PHF3: variants seen among roughly 807,000 people sequenced by gnomAD.
PHF3 encodes the protein PHD finger protein 3.
Under a neutral mutation model 178.4 loss-of-function variants are expected in PHF3, and 41 were observed. The ratio of observed to expected loss-of-function variants is 0.23; its 90% confidence interval spans 0.18 to 0.30. The LOEUF is 0.30. Ranked by LOEUF, PHF3 falls within the 10% of genes least tolerant of loss-of-function variation. The pLI is 1.00. For synonymous variants in PHF3, 842 were observed against 800.5 expected, an observed-to-expected ratio of 1.05 and a Z score of -0.88; for missense variants, 2,346 against 2,398.1, an observed-to-expected ratio of 0.98 and a Z score of 0.45.
intron 5 of PHF3, among the ~76,000 whole-genome samples, 180 bp downstream of exon 5, chr6:63,692,223 A>T (rs569825217): frequency 3.3e-5 from 5 of 152,322 alleles, no homozygotes; most frequent in African/African-American, 1.2e-4. Context: ...GTGAAATCAG[A>T]TGGTGACTTT....
chr6:63,697,260 A>G (rs1767271452), intron 6 of PHF3, among the ~76,000 whole-genome samples: 1 of 152,194 alleles, frequency 6.6e-6, no homozygotes, highest in Non-Finnish European at 1.5e-5. Context: ...TGGATTTGGT[A>G]ATGGGAAAAT....
intron 3 of PHF3, among the ~76,000 whole-genome samples, chr6:63,681,782 T>C (rs948141450): frequency 2.0e-5 from 3 of 152,108 alleles, no homozygotes; most frequent in African/African-American, 7.2e-5. Context: ...CCTCCATCTT[T>C]CCTAGATGCT....
rs1423090793 is a variant in PHF3 at position 63,691,721 on chromosome 6, GTGT to G, written c.2190-14_2190-12del. The stretch of plus-strand genomic sequence containing the variant: ...TAAAAAAAGGGATAAAAGTTTTTTG[GTGT>G]TCTGTTTTCCAGGTTTATGGTTGGC... On this transcript the variant is annotated splice_polypyrimidine_tract_variant and intron_variant, in intron 4 of 15. Coordinates refer to ENST00000262043, the MANE Select transcript of PHF3 (RefSeq NM_001370348.2). The G allele has an allele frequency of 6.5e-7, 1 of 1,534,380 alleles. No homozygotes were observed. The highest frequency in any genetic ancestry group is 8.8e-7 in the Non-Finnish European group (1 of 1,139,590).
intron 2 of PHF3, among the ~76,000 whole-genome samples, chr6:63,664,861 A>G (rs1370455225): frequency 6.6e-6 from 1 of 151,956 alleles, no homozygotes; most frequent in Non-Finnish European, 1.5e-5. Context: ...TTGTACAATA[A>G]CTACAATAAT....
intron 2 of PHF3, among the ~76,000 whole-genome samples, chr6:63,673,875 T>C (rs1766035346): frequency 6.6e-6 from 1 of 152,202 alleles, no homozygotes; most frequent in African/African-American, 2.4e-5. Flanking sequence ...GAGCCAAGTA[T>C]TTCACCTTAT....
Position 63,712,034 on chromosome 6 carries a change from C to T in PHF3, c.4446C>T (p.Asp1482=), listed in dbSNP as rs770697805. The T allele has an allele frequency of 8.1e-6, 13 of 1,613,522 alleles. No individual in the cohort carries two copies. The South Asian group carries it at 1.1e-4, about 14-fold the overall frequency. Residue 1482 remains aspartate (D), a synonymous_variant, in exon 16 of 16, where the codon GAC becomes GAT. Coordinates refer to ENST00000262043, the MANE Select transcript of PHF3 (RefSeq NM_001370348.2). ...SLLGTTGQVY[D]QAQSVMEQNT... ...TGGGCACCACTGGTCAAGTATATGACCAGGCCCAGTCAGTGATGGAACAAA... is the reference window on the plus strand; with the variant it reads ...TGGGCACCACTGGTCAAGTATATGATCAGGCCCAGTCAGTGATGGAACAAA...
At chr6:63,644,836 G>C (rs185388428) in intron 1 of PHF3, among the ~76,000 whole-genome samples, 63 of 151,370 alleles carry the variant, frequency 4.2e-4, no homozygotes, top group Non-Finnish European at 1.2e-4. Flanking sequence ...CTGCCCTTTT[G>C]CAGTTCATCC....
At chr6:63,690,801 T>A (rs1183400084) in intron 4 of PHF3, among the ~76,000 whole-genome samples, 1 of 152,154 alleles carries the variant, frequency 6.6e-6, no homozygotes, top group Non-Finnish European at 1.5e-5. Flanking sequence ...TAAATTAAAT[T>A]GCTGTGTATA....
At position 63,685,599 on chromosome 6, in the gene PHF3, A is replaced by C. The variant is rs1297886544; in HGVS notation, c.1877A>C (p.Gln626Pro). The change falls in exon 4 of 16, where the codon CAG (glutamine) becomes CCG (proline). Residue 626 changes from glutamine (Q) to proline (P), a missense_variant. Gln to Pro is a moderately conservative substitution (Grantham distance 76). Transcript: ENST00000262043. ...CATGTATCACATTCTAGCCAGAAACAGTGTCATAAGCCTCAGCAACAGGCC... is the reference window on the plus strand; with the variant it reads ...CATGTATCACATTCTAGCCAGAAACCGTGTCATAAGCCTCAGCAACAGGCC... ...TGHVSHSSQK[Q>P]CHKPQQQAPA... The C allele has an allele frequency of 6.2e-7, 1 of 1,614,000 alleles. No individual in the cohort carries two copies. The highest frequency in any genetic ancestry group is 8.5e-7 in the Non-Finnish European group (1 of 1,180,026).
chr6:63,646,876 CTT>C, intron 2 of PHF3, 81 bp downstream of exon 2: 4 of 773,294 alleles, frequency 5.2e-6, no homozygotes, highest in Non-Finnish European at 6.3e-6. Context: ...TTTCTTTTTT[CTT>C]TTTTTCTTTT....
chr6:63,711,643 A>G lies in PHF3; in HGVS notation c.4055A>G (p.Lys1352Arg). ...GGCTTAATTATTCGTCAGAAACTGA[A>G]GCGACAGCACAGTGCCTGTGCTAGT... is the stretch of plus-strand genomic sequence containing the variant. Reference protein sequence around the residue: ...LLGLIIRQKLKRQHSACASTS... With the variant: ...LLGLIIRQKLRRQHSACASTS... The change falls in exon 16 of 16, where the codon AAG (lysine) becomes AGG (arginine). Residue 1352 changes from lysine to arginine, a missense_variant. By Grantham distance (26) the Lys-to-Arg change is conservative. Transcript: ENST00000262043. 6.2e-7 allele frequency: 1 copy of G among 1,605,120 alleles called. No individual in the cohort carries two copies. Among genetic ancestry groups the G allele is most frequent in the Non-Finnish European group, 8.5e-7 (1 of 1,177,758 alleles).
chr6:63,717,218 G>T lies in PHF3; in HGVS notation c.*3510G>T, dbSNP rs568471539. On this transcript the variant is annotated 3_prime_UTR_variant, in exon 16 of 16. Transcript: ENST00000262043. ...ACCCGTCAACAGGTAACTTTACTCT[G>T]TTGTTCCTAAGTTTTTAATAGTAGC... Among the ~76,000 whole-genome samples the T allele has an allele frequency of 6.6e-6, 1 of 152,044 alleles. No individual in the cohort carries two copies.
chr6:63,699,395 G>A (rs1767376003), intron 8 of PHF3, among the ~76,000 whole-genome samples: 1 of 152,084 alleles, frequency 6.6e-6, no homozygotes, highest in Non-Finnish European at 1.5e-5. Context: ...TGCATAAAAG[G>A]TTTTCACACA....
At chr6:63,674,988 A>G (rs1338043826) in intron 2 of PHF3, among the ~76,000 whole-genome samples, 2 of 152,126 alleles carry the variant, frequency 1.3e-5, no homozygotes, top group African/African-American at 2.4e-5. Flanking sequence ...AATGGTTTTT[A>G]TTCTCTTTAT....
At chr6:63,640,370 G>C (rs552833266) in intron 1 of PHF3, among the ~76,000 whole-genome samples, 11 of 152,228 alleles carry the variant, frequency 7.2e-5, no homozygotes, top group African/African-American at 2.6e-4. Flanking sequence ...CTGAGTCCTG[G>C]CTCTGTCACT....
At position 63,706,228 on chromosome 6, in the gene PHF3, A is replaced by G; in HGVS notation, c.3563+4A>G. 1 of 1,602,412 alleles carries G rather than the reference A, an allele frequency of 6.2e-7. No individual in the cohort carries two copies. The highest frequency in any genetic ancestry group is 8.5e-7 in the Non-Finnish European group (1 of 1,174,404). On this transcript the variant is annotated splice_donor_region_variant and intron_variant, in intron 12 of 15. Coordinates refer to ENST00000262043, the MANE Select transcript of PHF3 (RefSeq NM_001370348.2). Reference sequence around the variant, plus strand: ...CAACGTTCTCTCCTGCTCCACGGTAATTTTCTCTGTTGTAAATTCTGTAAT... The same window carrying G: ...CAACGTTCTCTCCTGCTCCACGGTAGTTTTCTCTGTTGTAAATTCTGTAAT...
Position 63,698,470 on chromosome 6 carries a change from G to T in PHF3, c.2847G>T (p.Lys949Asn). Reference protein sequence around the residue: ...LMKRLTDSNLKVPEEKAAKVA... With the variant: ...LMKRLTDSNLNVPEEKAAKVA... ...TAAGACTTACAGACTCAAATTTGAA[G>T]GTACCAGAGGAAAAGGCAGCAAAAG... Residue 949 changes from lysine (K) to asparagine (N), a missense_variant, in exon 8 of 16, where the codon AAG becomes AAT. Physicochemically the swap from Lys to Asn is moderately conservative, Grantham distance 94. Coordinates refer to ENST00000262043, the MANE Select transcript of PHF3 (RefSeq NM_001370348.2). The T allele has an allele frequency of 6.3e-7, 1 of 1,592,244 alleles. No homozygotes were observed. The highest frequency in any genetic ancestry group is 1.2e-5 in the South Asian group (1 of 85,990).
At chr6:63,711,450 A>G in intron 15 of PHF3, 88 bp downstream of exon 15, 1 of 1,358,980 alleles carries the variant, frequency 7.4e-7, no homozygotes, top group South Asian at 1.4e-5. Flanking sequence ...CTTCTTTCTC[A>G]GGATCCAGCC....
chr6:63,647,236 C>T (rs1427764932), intron 2 of PHF3, among the ~76,000 whole-genome samples: 1 of 151,970 alleles, frequency 6.6e-6, no homozygotes, highest in Non-Finnish European at 1.5e-5. Context: ...TACCTCCCAG[C>T]CCCTGAAATA....
Sources: gnomAD v4.1 joint callset for allele counts (sites outside exome capture counted in the v4.1 genomes callset) on GRCh38, gnomAD v4.1.1 for gene constraint, MANE v1.5 for transcripts, NCBI Gene and HGNC (gene_info 2026-07-23, HGNC 2026-07-21) for gene names.